The following FAM98B variants were observed in gnomAD, a reference collection of about 807,000 sequenced individuals.
FAM98B encodes the protein tRNA splicing ligase complex subunit 3B, also known as tRNA-splicing ligase complex subunit FAM98B.
Under a neutral mutation model 43.9 loss-of-function variants are expected in FAM98B, and 32 were observed. The observed-to-expected ratio is 0.73, with a 90% CI of 0.55 to 0.98. The LOEUF (loss-of-function observed/expected upper bound fraction) is 0.98. Among genes scored for constraint, FAM98B ranks in the 50% least tolerant of loss-of-function variants. FAM98B has a pLI of 0.00. For missense variants in FAM98B, 514 were observed against 522.9 expected (o/e 0.98, Z 0.17); for synonymous variants, 190 against 174.0 (o/e 1.09, Z -0.72).
rs1202828766 is a variant in FAM98B, at chr15:38,484,815, T to C, written c.*156T>C. ...ATTGGTTAATATGTAAGAACATTGT[T>C]TTTTATTACCAGTTGATCTCTCAAA... is the stretch of plus-strand genomic sequence containing the variant. On this transcript the variant is annotated 3_prime_UTR_variant, in exon 8 of 8. Coordinates refer to ENST00000397609, the MANE Select transcript of FAM98B (RefSeq NM_173611.4). The C allele has an allele frequency of 2.6e-6, 3 of 1,152,708 alleles. No individual in the cohort carries two copies. The East Asian group carries it at 9.5e-5, about 36-fold the overall frequency. 71.4% of individuals were successfully genotyped at this position (1,152,708 alleles called of 1,614,324 possible). A position where few individuals can be genotyped will look rare whatever the true frequency, so the allele number is the denominator to read the frequency against.
At chr15:38,457,575 T>C (rs1469032051) in intron 1 of FAM98B, among the ~76,000 whole-genome samples, 1 of 152,028 alleles carries the variant, frequency 6.6e-6, no homozygotes, top group East Asian at 1.9e-4. Flanking sequence ...GGTGCAGTGG[T>C]TGTAAGTAAT....
intron 6 of FAM98B, among the ~76,000 whole-genome samples, chr15:38,475,441 G>C (rs1330734834): frequency 6.6e-6 from 1 of 152,146 alleles, no homozygotes; most frequent in African/African-American, 2.4e-5. Flanking sequence ...GAAGGTATTG[G>C]CAGGGTTGCA....
At position 38,473,391 on chromosome 15, in the gene FAM98B, TTA is replaced by T. The variant is rs1192480720; in HGVS notation, c.532-112_532-111del. On this transcript the variant is annotated intron_variant, in intron 4 of 7. Transcript: ENST00000397609. The stretch of plus-strand genomic sequence containing the variant: ...TCTGGTATATGATGGTATATTTTAA[TTA>T]TGTCACTTTAATATTTTATTCTGTA... 7.2e-6 allele frequency: 5 copies of T among 691,946 alleles called. No individual in the cohort carries two copies. In the African/African-American group the frequency reaches 9.2e-5, roughly 13 times the overall value. The allele number at this position is 691,946 out of a possible 1,614,324, so 42.9% of individuals were successfully genotyped here. A position where few individuals can be genotyped will look rare whatever the true frequency, so the allele number is the denominator to read the frequency against.
chr15:38,473,736 A>T, intron 5 of FAM98B, 151 bp downstream of exon 5: 1 of 619,502 alleles, frequency 1.6e-6, no homozygotes, highest in Middle Eastern at 4.6e-4. Flanking sequence ...ATATGTCCTA[A>T]CATTTCTTTA....
chr15:38,469,447 A>G (rs1019813212), intron 3 of FAM98B, among the ~76,000 whole-genome samples: 1 of 152,202 alleles, frequency 6.6e-6, no homozygotes, highest in African/African-American at 2.4e-5. Context: ...TATAAGACAG[A>G]GAATAATTTA....
At position 38,484,907 on chromosome 15, in the gene FAM98B, A is replaced by C. The variant is rs1890346752; in HGVS notation, c.*248A>C. On this transcript the variant is annotated 3_prime_UTR_variant, in exon 8 of 8. Coordinates refer to ENST00000397609, the MANE Select transcript of FAM98B (RefSeq NM_173611.4). ...TGTTGTGTCTTTTTAAAAAACAAAA[A>C]AAAGAACAAAAATTATTTTTTAAAA... 5 of 423,970 alleles carry C rather than the reference A, an allele frequency of 1.2e-5. No homozygotes were observed. The highest frequency in any genetic ancestry group is 1.9e-5 in the Non-Finnish European group (5 of 259,674). The allele number at this position is 423,970 out of a possible 1,614,324, so 26.3% of individuals were successfully genotyped here.
chr15:38,473,484 A>G lies in FAM98B; in HGVS notation c.532-21A>G, dbSNP rs778318368. 5 of 1,558,034 alleles carry G rather than the reference A, an allele frequency of 3.2e-6. No homozygotes were observed. In the South Asian group the frequency reaches 3.5e-5, roughly 11 times the overall value. On this transcript the variant is annotated intron_variant, in intron 4 of 7. Coordinates refer to ENST00000397609, the MANE Select transcript of FAM98B (RefSeq NM_173611.4). ...AAATTAGGAATATACATTTTTCACA[A>G]TCTTTTATATTTACTTTTAGGTGAA... is the stretch of plus-strand genomic sequence containing the variant.
In FAM98B at chr15:38,487,500, A is replaced by G. The variant is rs1890396440; in HGVS notation, c.*2841A>G. The G allele has an allele frequency of 6.6e-6, 1 of 152,106 alleles. No homozygotes were observed. Among genetic ancestry groups the G allele is most frequent in the African/African-American group, 2.4e-5 (1 of 41,442 alleles). 9.4% of individuals were successfully genotyped at this position (152,106 alleles called of 1,614,324 possible). ...ACTTTATTACTTTGTATGAAGTATT[A>G]TGAATTGCCCAAATGATAAATACAC... On this transcript the variant is annotated 3_prime_UTR_variant, in exon 8 of 8. Coordinates refer to ENST00000397609, the MANE Select transcript of FAM98B (RefSeq NM_173611.4).
At chr15:38,464,749 G>T (rs143564029) in intron 2 of FAM98B, among the ~76,000 whole-genome samples, 1,742 of 152,234 alleles carry the variant, frequency 0.011, 20 homozygotes, top group Non-Finnish European at 0.019. Context: ...ATTCACAAAA[G>T]TAGCTTTTTC....
intron 1 of FAM98B, among the ~76,000 whole-genome samples, chr15:38,460,249 T>C (rs1889926841): frequency 6.6e-6 from 1 of 152,218 alleles, no homozygotes; most frequent in Non-Finnish European, 1.5e-5. Context: ...AGCATGGTTA[T>C]TCTCTGTAAA....
chr15:38,460,274 G>A (rs1889927232), intron 1 of FAM98B, among the ~76,000 whole-genome samples: 2 of 152,288 alleles, frequency 1.3e-5, no homozygotes, highest in Admixed American at 1.3e-4. Flanking sequence ...GAATGGCATT[G>A]GAAATCAAAG....
At chr15:38,470,764 C>A in intron 4 of FAM98B, 1 of 159,184 alleles carries the variant, frequency 6.3e-6, no homozygotes, top group Non-Finnish European at 1.4e-5. Context: ...GGAAACTAAA[C>A]TTTTTAAAAA....
intron 1 of FAM98B, chr15:38,459,281 C>A: frequency 2.0e-6 from 1 of 494,456 alleles, no homozygotes; most frequent in Non-Finnish European, 4.1e-6. Flanking sequence ...TTGGGGCAGA[C>A]ACGTCCCTGG....
chr15:38,464,235 T>C, intron 2 of FAM98B, 58 bp downstream of exon 2: 1 of 1,473,406 alleles, frequency 6.8e-7, no homozygotes, highest in Non-Finnish European at 9.1e-7. Context: ...TAACTTACGG[T>C]TTATAGTTTT....
At chr15:38,456,314 G>T (rs1237944536) in intron 1 of FAM98B, among the ~76,000 whole-genome samples, 2 of 152,302 alleles carry the variant, frequency 1.3e-5, no homozygotes, top group South Asian at 2.1e-4. Flanking sequence ...AGAGTCGTGT[G>T]GAACTTGTGA....
In FAM98B at chr15:38,484,434, G is replaced by T. The variant is rs1352970194; in HGVS notation, c.1077G>T (p.Trp359Cys). ...GGGGTGGGGGTGGGAGAGGTGGCTGGGGGGGTGGAGGAGGAGGTTGGGGAG... is the reference window on the plus strand; with the variant it reads ...GGGGTGGGGGTGGGAGAGGTGGCTGTGGGGGTGGAGGAGGAGGTTGGGGAG... ...GGGGGGGRGG[W>C]GGGGGGWGGG... Residue 359 changes from tryptophan (W) to cysteine (C), a missense_variant, in exon 8 of 8, where the codon TGG (tryptophan) becomes TGT (cysteine). Coordinates refer to ENST00000397609, the MANE Select transcript of FAM98B (RefSeq NM_173611.4). 1.7e-5 allele frequency: 14 copies of T among 812,490 alleles called. No individual in the cohort carries two copies. The highest frequency in any genetic ancestry group is 3.2e-4 in the East Asian group (2 of 6,160). The allele number at this position is 812,490 out of a possible 1,614,324, so 50.3% of individuals were successfully genotyped here. A position where few individuals can be genotyped will look rare whatever the true frequency, so the allele number is the denominator to read the frequency against.
At chr15:38,481,576 C>A (rs1566901579) in intron 7 of FAM98B, 117 bp downstream of exon 7, 1 of 1,611,650 alleles carries the variant, frequency 6.2e-7, no homozygotes, top group African/African-American at 1.3e-5. Context: ...AAAAGAGTGG[C>A]AGGGGGGTTC....
intron 7 of FAM98B, 71 bp downstream of exon 7, chr15:38,481,530 T>A (rs148441485): frequency 6.8e-6 from 11 of 1,613,840 alleles, no homozygotes; most frequent in Non-Finnish European, 9.3e-6. Context: ...CAGATTTTAG[T>A]CTATTTTTCT....
At chr15:38,463,770 C>T (rs1019648135) in intron 1 of FAM98B, among the ~76,000 whole-genome samples, 3 of 151,844 alleles carry the variant, frequency 2.0e-5, no homozygotes, top group Non-Finnish European at 4.4e-5. Flanking sequence ...GGAAAAAAGC[C>T]AAATGTTAAT....
Sources: gnomAD v4.1 joint callset for allele counts (sites outside exome capture counted in the v4.1 genomes callset) on GRCh38, gnomAD v4.1.1 for gene constraint, MANE v1.5 for transcripts, NCBI Gene and HGNC (gene_info 2026-07-23, HGNC 2026-07-21) for gene names.